Variants in AOX1 observed in about 807,000 individuals in gnomAD.
AOX1 encodes the protein aldehyde oxidase 1, also known as aldehyde oxidase.
AOX1 carries 153 observed loss-of-function variants against 169.5 expected under a neutral mutation model. The ratio of observed to expected loss-of-function variants is 0.90; its 90% CI spans 0.79 to 1.03. AOX1 has a LOEUF of 1.03. Ranked by LOEUF, AOX1 falls within the 50% of genes least tolerant of loss-of-function variation. The pLI is 0.00. For synonymous variants in AOX1, 562 were observed against 581.9 expected (o/e 0.97, Z 0.49); for missense variants, 1,656 against 1,663.9 (o/e 1.00, Z 0.08).
intron 29 of AOX1, 118 bp downstream of exon 29, chr2:200,660,187 G>C: frequency 1.2e-6 from 1 of 802,820 alleles, no homozygotes; most frequent in Non-Finnish European, 2.0e-6. Flanking sequence ...TACCACCATT[G>C]TGTAATGATA....
At chr2:200,653,327 G>C (rs2035618447) in intron 26 of AOX1, among the ~76,000 whole-genome samples, 1 of 152,136 alleles carries the variant, frequency 6.6e-6, no homozygotes, top group African/African-American at 2.4e-5. Context: ...CTCCGTGGAG[G>C]GCACATGCTA....
At chr2:200,678,065 A>G (rs1326147287), downstream of AOX1, among the ~76,000 whole-genome samples, 2 of 152,132 alleles carry the variant, frequency 1.3e-5, no homozygotes, top group Non-Finnish European at 2.9e-5. Context: ...CTGCTCCCAA[A>G]GTTTGGTTTT....
At chr2:200,600,475 C>G (rs924191717) in intron 5 of AOX1, among the ~76,000 whole-genome samples, 1 of 151,408 alleles carries the variant, frequency 6.6e-6, no homozygotes, top group Non-Finnish European at 1.5e-5. Context: ...GTGTATGTGG[C>G]GGGGGGGGAC....
chr2:200,670,484 C>G, intron 34 of AOX1, 145 bp from the exon 35 acceptor site: 1 of 672,378 alleles, frequency 1.5e-6, no homozygotes, highest in Non-Finnish European at 2.7e-6. Context: ...CTGGCTTCCT[C>G]TATACTTCAC....
intron 8 of AOX1, among the ~76,000 whole-genome samples, 176 bp downstream of exon 8, chr2:200,604,273 G>T (rs1319596323): frequency 1.3e-5 from 2 of 152,152 alleles, no homozygotes; most frequent in Admixed American, 1.3e-4. Context: ...ATGGGGGTGG[G>T]GTCCCCATGG....
At chr2:200,627,472 A>C in intron 20 of AOX1, 23 bp downstream of exon 20, 1 of 1,525,474 alleles carries the variant, frequency 6.6e-7, no homozygotes, top group Middle Eastern at 1.7e-4. Flanking sequence ...GGAAGAGTAA[A>C]CAACCCTGGA....
intron 25 of AOX1, among the ~76,000 whole-genome samples, chr2:200,649,948 G>A (rs1438334967): frequency 3.3e-5 from 5 of 152,238 alleles, no homozygotes; most frequent in Non-Finnish European, 7.3e-5. Flanking sequence ...GAAATTGGCA[G>A]TCCTTGGACC....
At chr2:200,591,234 G>A (rs189035284) in intron 1 of AOX1, among the ~76,000 whole-genome samples, 11 of 152,282 alleles carry the variant, frequency 7.2e-5, no homozygotes, top group Non-Finnish European at 1.0e-4. Context: ...TTTCAGGATC[G>A]AGATAGTCTT....
Position 200,623,878 on chromosome 2 carries a change from G to C in AOX1, c.2019G>C (p.Gln673His). ...TGTCGTAGGTGTTCTGTGTGGGTCA[G>C]CTTGTCTGTGCTGTGCTTGCCGATT... ...LATDKVFCVG[Q>H]LVCAVLADSE... is the part of the protein sequence containing the mutation. The change falls in exon 19 of 35, where the codon CAG (glutamine) becomes CAC (histidine). Residue 673 changes from glutamine (Q) to histidine (H), a missense_variant. Coordinates refer to ENST00000374700, the MANE Select transcript of AOX1 (RefSeq NM_001159.4). The C allele has an allele frequency of 3.7e-6, 6 of 1,613,992 alleles. No homozygotes were observed. The highest frequency in any genetic ancestry group is 5.1e-6 in the Non-Finnish European group (6 of 1,179,964).
At chr2:200,679,302 T>C (rs1382133339), downstream of AOX1, 1 of 152,216 alleles carries the variant, frequency 6.6e-6, no homozygotes, top group Non-Finnish European at 1.5e-5. Flanking sequence ...CTTTACTGTG[T>C]AAACTCTGAA....
At chr2:200,666,573 A>G in intron 31 of AOX1, 114 bp from the exon 32 acceptor site, 2 of 527,698 alleles carry the variant, frequency 3.8e-6, no homozygotes, top group Middle Eastern at 5.1e-4. Flanking sequence ...TCGAAATGAC[A>G]TGGCTGAAAG....
At chr2:200,672,944 G>A (rs1423729976), downstream of AOX1, among the ~76,000 whole-genome samples, 1 of 152,230 alleles carries the variant, frequency 6.6e-6, no homozygotes, top group Non-Finnish European at 1.5e-5. Context: ...CTAGCACAGA[G>A]CCAGGGACGG....
intron 5 of AOX1, among the ~76,000 whole-genome samples, chr2:200,600,349 G>T (rs1445464986): frequency 6.6e-6 from 1 of 152,136 alleles, no homozygotes; most frequent in Non-Finnish European, 1.5e-5. Flanking sequence ...ACATCAGAGG[G>T]CTGCGATGGT....
intron 12 of AOX1, among the ~76,000 whole-genome samples, chr2:200,611,060 G>A (rs1163241434): frequency 6.6e-6 from 1 of 152,010 alleles, no homozygotes; most frequent in African/African-American, 2.4e-5. Flanking sequence ...TCACCATGTT[G>A]GCCAGGCCGG....
chr2:200,606,143 T>C (rs1382021233), intron 10 of AOX1, among the ~76,000 whole-genome samples: 1 of 152,230 alleles, frequency 6.6e-6, no homozygotes, highest in Non-Finnish European at 1.5e-5. Context: ...CTTCAATCCA[T>C]CTTGAGTTAA....
At chr2:200,657,190 A>ATATATATATATATTTTTTTTTTTTTT in intron 27 of AOX1, among the ~76,000 whole-genome samples, 3 of 62,882 alleles carry the variant, frequency 4.8e-5, no homozygotes, top group African/African-American at 2.4e-4. Flanking sequence ...ATATATATAT[A>ATATATATATATATTTTTTTTTTTTTT]TTTTTTTTTT....
intron 16 of AOX1, 63 bp from the exon 17 acceptor site, chr2:200,620,587 T>C (rs1448694725): frequency 1.0e-5 from 14 of 1,357,450 alleles, no homozygotes; most frequent in Admixed American, 5.7e-5. Context: ...GAAATGTGCA[T>C]AATAATAATT....
rs1161585493 is a variant in AOX1, at chr2:200,642,642, T to G, written c.2688T>G (p.Asn896Lys). The G allele has an allele frequency of 6.2e-6, 10 of 1,614,106 alleles. No homozygotes were observed. Among genetic ancestry groups the G allele is most frequent in the African/African-American group, 1.3e-5 (1 of 75,050 alleles). ...VIEMGLLKMD[N>K]AYKFPNLRCR... ...AAATGGGACTTCTGAAAATGGACAA[T>G]GCTTACAAGTTTCCCAATCTCCGCT... The change falls in exon 25 of 35, where the codon AAT (asparagine) becomes AAG (lysine). Residue 896 changes from asparagine (N) to lysine (K), a missense_variant. Physicochemically the swap from Asn to Lys is moderately conservative, Grantham distance 94 (BLOSUM62 0). Transcript: ENST00000374700.
At chr2:200,652,252 A>G (rs952710790) in intron 26 of AOX1, among the ~76,000 whole-genome samples, 3 of 152,182 alleles carry the variant, frequency 2.0e-5, no homozygotes, top group Non-Finnish European at 4.4e-5. Flanking sequence ...ATTTGCATGC[A>G]GCTTTGATTG....
Sources: gnomAD v4.1 joint callset for allele counts (sites outside exome capture counted in the v4.1 genomes callset) on GRCh38, gnomAD v4.1.1 for gene constraint, MANE v1.5 for transcripts, NCBI Gene and HGNC (gene_info 2026-07-23, HGNC 2026-07-21) for gene names.